FHIT: variants seen among roughly 807,000 people sequenced by gnomAD.
The protein encoded by FHIT is bis(5'-adenosyl)-triphosphatase.
A neutral mutation model predicts 17.9 loss-of-function variants in FHIT; 19 were observed. The ratio of observed to expected loss-of-function variants is 1.06; its 90% CI spans 0.74 to 1.56. The LOEUF (loss-of-function observed/expected upper bound fraction) is 1.56. Ranked by LOEUF, FHIT falls within the 40% of genes most tolerant of loss-of-function variation. FHIT has a pLI of 0.00. For synonymous variants in FHIT, 81 were observed against 69.7 expected (o/e 1.16, Z -0.81); for missense variants, 248 against 189.2 (o/e 1.31, Z -1.82).
intron 5 of FHIT, among the ~76,000 whole-genome samples, chr3:60,072,003 A>G (rs984124147): frequency 3.3e-5 from 5 of 152,182 alleles, no homozygotes; most frequent in African/African-American, 1.2e-4. Flanking sequence ...TGAGTCCGTT[A>G]AACCTCTTCC....
intron 8 of FHIT, among the ~76,000 whole-genome samples, chr3:59,879,431 C>T (rs1370730791): frequency 6.6e-6 from 1 of 152,116 alleles, no homozygotes; most frequent in Non-Finnish European, 1.5e-5. Context: ...TATATAGGAT[C>T]TCTGGGGTAT....
At chr3:59,975,687 G>T (rs1344044942) in intron 7 of FHIT, among the ~76,000 whole-genome samples, 1 of 152,014 alleles carries the variant, frequency 6.6e-6, no homozygotes, top group East Asian at 1.9e-4. Flanking sequence ...AGAATCAAGA[G>T]ATACTAGCCT....
chr3:60,629,888 C>G (rs577949246), intron 4 of FHIT, among the ~76,000 whole-genome samples: 2 of 152,164 alleles, frequency 1.3e-5, no homozygotes, highest in Non-Finnish European at 2.9e-5. Context: ...ATTTTATTCA[C>G]TCTAGTATTC....
At chr3:61,226,803 A>G (rs139780606) in intron 1 of FHIT, among the ~76,000 whole-genome samples, 126 of 152,298 alleles carry the variant, frequency 8.3e-4, no homozygotes, top group Non-Finnish European at 1.4e-3. Flanking sequence ...ATACCCTTAC[A>G]TGACTTTTTT....
chr3:60,384,240 C>T (rs941175111), intron 5 of FHIT, among the ~76,000 whole-genome samples: 2 of 150,704 alleles, frequency 1.3e-5, no homozygotes, highest in African/African-American at 4.9e-5. Context: ...TGCACTCCAG[C>T]CTGGTGACAG....
Position 61,250,836 on chromosome 3 carries a change from G to A in FHIT, c.-213+465C>T, listed in dbSNP as rs185079256. Among the ~76,000 whole-genome samples, 12 of 152,290 alleles carry A rather than the reference G, an allele frequency of 7.9e-5. No individual in the cohort carries two copies. The East Asian group carries it at 2.3e-3, about 29-fold the overall frequency. On this transcript the variant is annotated intron_variant, in intron 1 of 9. Transcript: ENST00000492590. ...ATGTAAAATTATCTCCCAAAATGCT[G>A]CCTTCTCTATACTCCGGTTTGCTCC...
chr3:60,235,234 G>GTT (rs11441829), intron 5 of FHIT, among the ~76,000 whole-genome samples: 25,622 of 142,916 alleles, frequency 0.18, 2,472 homozygotes, highest in East Asian at 0.25. Context: ...TTTGTTTGTT[G>GTT]TTTTTTTTTT....
At chr3:60,148,610 A>G (rs1299679805) in intron 5 of FHIT, among the ~76,000 whole-genome samples, 1 of 152,188 alleles carries the variant, frequency 6.6e-6, no homozygotes, top group African/African-American at 2.4e-5. Flanking sequence ...GCCATCAGAC[A>G]TGGGCATCTG....
chr3:60,680,882 T>C (rs887706422), intron 4 of FHIT, among the ~76,000 whole-genome samples: 6 of 152,138 alleles, frequency 3.9e-5, no homozygotes, highest in African/African-American at 1.4e-4. Context: ...CCCCAAATTG[T>C]TGAGAAAACA....
At chr3:60,867,059 A>G (rs1425657202) in intron 3 of FHIT, among the ~76,000 whole-genome samples, 2 of 152,158 alleles carry the variant, frequency 1.3e-5, no homozygotes, top group East Asian at 1.9e-4. Flanking sequence ...TGAGCCTACA[A>G]TAGTCTTTTT....
intron 5 of FHIT, among the ~76,000 whole-genome samples, chr3:60,289,533 G>A (rs749949540): frequency 6.6e-6 from 1 of 152,088 alleles, no homozygotes; most frequent in African/African-American, 2.4e-5. Context: ...AGCTTAAAAC[G>A]GGCTATTTAA....
At chr3:60,075,746 A>G (rs1017763868) in intron 5 of FHIT, among the ~76,000 whole-genome samples, 1 of 152,050 alleles carries the variant, frequency 6.6e-6, no homozygotes, top group African/African-American at 2.4e-5. Flanking sequence ...ATGGCCATCA[A>G]TTATAGAAGA....
At chr3:60,351,096 T>A (rs1454395255) in intron 5 of FHIT, among the ~76,000 whole-genome samples, 1 of 152,120 alleles carries the variant, frequency 6.6e-6, no homozygotes, top group Non-Finnish European at 1.5e-5. Flanking sequence ...AAAAAAGCCA[T>A]TAACCCATGT....
intron 2 of FHIT, among the ~76,000 whole-genome samples, chr3:61,173,197 T>A (rs2038059247): frequency 6.6e-6 from 1 of 152,190 alleles, no homozygotes. Flanking sequence ...AAGTTCATAA[T>A]CCATCCTGTC....
Position 60,132,723 on chromosome 3 carries a change from T to C in FHIT, c.104-118571A>G, listed in dbSNP as rs557708750. 7.2e-5 allele frequency among the ~76,000 whole-genome samples: 11 copies of C among 152,208 alleles called. No individual in the cohort carries two copies. In the East Asian group the frequency reaches 1.9e-3, roughly 27 times the overall value. ...ACATTTTCCCCTGATTGTCTCTACC[T>C]TTCTGCTGGCTTATTGTCATGCTGA... On this transcript the variant is annotated intron_variant, in intron 5 of 9. Transcript: ENST00000492590.
chr3:59,775,789 G>A (rs1328026276), intron 8 of FHIT, among the ~76,000 whole-genome samples: 1 of 152,132 alleles, frequency 6.6e-6, no homozygotes, highest in African/African-American at 2.4e-5. Flanking sequence ...AATTCTTAAA[G>A]GTCTGAACTC....
chr3:60,783,451 T>C (rs1700462364), intron 4 of FHIT, among the ~76,000 whole-genome samples: 1 of 152,168 alleles, frequency 6.6e-6, no homozygotes, highest in Admixed American at 6.5e-5. Flanking sequence ...GAAATAGAAA[T>C]TTGTTTGTCA....
chr3:60,959,815 T>A (rs1553780080), intron 3 of FHIT, among the ~76,000 whole-genome samples: 1 of 151,458 alleles, frequency 6.6e-6, no homozygotes, highest in African/African-American at 2.4e-5. Context: ...TTTTTTTTTT[T>A]TTTAATGTCA....
At chr3:60,858,750 C>T (rs1575604096) in intron 3 of FHIT, among the ~76,000 whole-genome samples, 1 of 152,244 alleles carries the variant, frequency 6.6e-6, no homozygotes, top group East Asian at 1.9e-4. Flanking sequence ...TCAAGAAGGT[C>T]CCAGTTTCTT....
Sources: allele counts gnomAD v4.1 joint callset (sites outside exome capture counted in the v4.1 genomes callset), GRCh38; gene constraint gnomAD v4.1.1; transcripts MANE v1.5; gene names NCBI Gene and HGNC (gene_info 2026-07-23, HGNC 2026-07-21).